Variants in GFRA2 observed in about 807,000 individuals in gnomAD.
GFRA2 encodes GDNF family receptor alpha 2.
Under a neutral mutation model 48.3 loss-of-function variants are expected in GFRA2, and 17 were observed. That is an observed-to-expected ratio of 0.35 (90% confidence interval 0.24 to 0.53). The LOEUF (loss-of-function observed/expected upper bound fraction) is 0.53, where lower values mean the gene tolerates loss of function less well. GFRA2 is among the 20% of genes least tolerant of loss of function. The pLI is 0.93. For synonymous variants in GFRA2, 305 were observed against 257.2 expected, an observed-to-expected ratio of 1.19 and a Z score of -1.78; for missense variants, 660 against 637.3, an observed-to-expected ratio of 1.04 and a Z score of -0.38.
intron 1 of GFRA2, among the ~76,000 whole-genome samples, chr8:21,808,441 G>A (rs532031037): frequency 3.0e-4 from 46 of 152,294 alleles, no homozygotes; most frequent in Admixed American, 1.4e-3. Flanking sequence ...TCCATCTTAT[G>A]GACAGGGAAT....
intron 4 of GFRA2, among the ~76,000 whole-genome samples, chr8:21,728,761 T>A (rs146865414): frequency 1.3e-5 from 2 of 152,246 alleles, no homozygotes; most frequent in Admixed American, 6.5e-5. Flanking sequence ...TAATCCTGCG[T>A]CCTTATCTGA....
At chr8:21,758,367 T>A (rs1003203841) in intron 3 of GFRA2, among the ~76,000 whole-genome samples, 3 of 152,132 alleles carry the variant, frequency 2.0e-5, no homozygotes, top group Non-Finnish European at 4.4e-5. Context: ...AGGTAGACTT[T>A]CCAATCGCAA....
intron 3 of GFRA2, among the ~76,000 whole-genome samples, chr8:21,766,430 G>A (rs1003970695): frequency 6.6e-6 from 1 of 151,920 alleles, no homozygotes; most frequent in African/African-American, 2.4e-5. Flanking sequence ...TCAGCACCTC[G>A]AACAAGGCAT....
intron 4 of GFRA2, 70 bp from the exon 5 acceptor site, chr8:21,706,111 C>T (rs759890890): frequency 8.2e-6 from 8 of 980,926 alleles, no homozygotes; most frequent in Non-Finnish European, 1.3e-5. Flanking sequence ...CTCCTCTGTC[C>T]TGCCAGTGGC....
intron 7 of GFRA2, among the ~76,000 whole-genome samples, chr8:21,699,499 T>C (rs1390719551): frequency 6.6e-6 from 1 of 152,114 alleles, no homozygotes; most frequent in South Asian, 2.1e-4. Context: ...GAAGGGGTCC[T>C]ACAAATTGGC....
rs141942787 is a variant in GFRA2, at chr8:21,755,801, C to A, written c.440-4859G>T. Among the ~76,000 whole-genome samples, 998 of 152,352 alleles carry A rather than the reference C, an allele frequency of 6.6e-3. 14 individuals carry two copies. The highest frequency in any genetic ancestry group is 0.023 in the African/African-American group (960 of 41,582). On this transcript the variant is annotated intron_variant, in intron 3 of 8. Coordinates refer to ENST00000524240, the MANE Select transcript of GFRA2 (RefSeq NM_001495.5). ...AATTCAATACGACTGAACATGGAAA[C>A]CAAGGCAAGGAATGCCAAGACAAGG...
chr8:21,734,155 G>A (rs978075351), intron 4 of GFRA2, among the ~76,000 whole-genome samples: 2 of 152,236 alleles, frequency 1.3e-5, no homozygotes, highest in South Asian at 2.1e-4. Context: ...AAGCAGAGGG[G>A]CTTGGGGCAC....
chr8:21,722,301 C>T (rs948456630), intron 4 of GFRA2, among the ~76,000 whole-genome samples: 6 of 152,114 alleles, frequency 3.9e-5, no homozygotes, highest in Non-Finnish European at 5.9e-5. Flanking sequence ...AGGAACATAG[C>T]GCCTTAGGAG....
chr8:21,790,003 T>TG (rs1288319698), upstream of GFRA2: 15 of 873,724 alleles, frequency 1.7e-5, no homozygotes, highest in Non-Finnish European at 2.1e-5. Flanking sequence ...GCTCCGGGGT[T>TG]GGGGGGTTCC....
chr8:21,696,267 A>T (rs549470171), intron 7 of GFRA2, among the ~76,000 whole-genome samples: 38 of 150,920 alleles, frequency 2.5e-4, no homozygotes, highest in Admixed American at 5.3e-4. Flanking sequence ...GGGGAATCAC[A>T]GAGGCAGAAG....
upstream of GFRA2, among the ~76,000 whole-genome samples, chr8:21,791,960 T>C (rs1807580982): frequency 6.6e-6 from 1 of 152,218 alleles, no homozygotes; most frequent in Non-Finnish European, 1.5e-5. Flanking sequence ...ACACATTCCG[T>C]AGTGCCTGAG....
intron 4 of GFRA2, among the ~76,000 whole-genome samples, chr8:21,725,905 C>T (rs149438126): frequency 2.0e-3 from 306 of 152,290 alleles, no homozygotes; most frequent in African/African-American, 7.0e-3. Flanking sequence ...CGAGCAAGAC[C>T]CCAGGATGGG....
At chr8:21,740,333 T>C (rs923262674) in intron 4 of GFRA2, among the ~76,000 whole-genome samples, 1 of 152,212 alleles carries the variant, frequency 6.6e-6, no homozygotes, top group Non-Finnish European at 1.5e-5. Context: ...TCCACTAATG[T>C]CTTTCCCAGA....
At chr8:21,704,325 C>A (rs1353739822) in intron 6 of GFRA2, among the ~76,000 whole-genome samples, 1 of 152,192 alleles carries the variant, frequency 6.6e-6, no homozygotes, top group South Asian at 2.1e-4. Context: ...CTGTGCAGAC[C>A]CCCCGCCCAG....
chr8:21,711,372 G>A (rs1803013106), intron 4 of GFRA2, among the ~76,000 whole-genome samples: 3 of 152,204 alleles, frequency 2.0e-5, no homozygotes, highest in African/African-American at 2.4e-5. Context: ...GAACCAAAAT[G>A]AAGAGGAGCC....
chr8:21,763,418 T>C (rs1338014408), intron 3 of GFRA2, among the ~76,000 whole-genome samples: 1 of 152,022 alleles, frequency 6.6e-6, no homozygotes, highest in Non-Finnish European at 1.5e-5. Flanking sequence ...AACCCTGCCA[T>C]TCCCCTCTCT....
rs926703419 is a variant in GFRA2, at chr8:21,788,507, T to C, written c.-348A>G. 129 of 1,041,968 alleles carry C rather than the reference T, an allele frequency of 1.2e-4. No individual in the cohort carries two copies. The highest frequency in any genetic ancestry group is 1.4e-4 in the Non-Finnish European group (121 of 867,744). 64.5% of individuals were successfully genotyped at this position (1,041,968 alleles called of 1,614,324 possible). ...AAGGCGTGAGTCCCCGCGGGTCCAA[T>C]TCCCCTGCGCTTCCCAGGAGGGGCC... On this transcript the variant is annotated 5_prime_UTR_variant, in exon 1 of 9. Transcript: ENST00000524240.
rs377708183 is a variant in GFRA2, at chr8:21,774,528, C to A, written c.439+444G>T. On this transcript the variant is annotated intron_variant, in intron 3 of 8. Transcript: ENST00000524240. ...TGATGCGGCGTGCTGAGCACTTTAC[C>A]ACCCACTGACCCACTTAGACCTCGC... Among the ~76,000 whole-genome samples the A allele has an allele frequency of 9.2e-3, 1,397 of 152,282 alleles. 16 individuals carry two copies. Among genetic ancestry groups the A allele is most frequent in the African/African-American group, 0.031 (1,274 of 41,546 alleles).
rs1018967715 is a variant in GFRA2 at position 21,705,283 on chromosome 8, G to A, written c.905-158C>T. On this transcript the variant is annotated intron_variant, in intron 5 of 8. Transcript: ENST00000524240. ...CCATCCCAATCGCACTCCTAACTCT[G>A]AGCATGACTATCCCAGGGACCATGT... is the stretch of plus-strand genomic sequence containing the variant. 4.6e-5 allele frequency among the ~76,000 whole-genome samples: 7 copies of A among 152,042 alleles called. No individual in the cohort carries two copies. In the East Asian group the frequency reaches 1.2e-3, roughly 25 times the overall value.
Sources: gnomAD v4.1 joint callset for allele counts (sites outside exome capture counted in the v4.1 genomes callset) on GRCh38, gnomAD v4.1.1 for gene constraint, MANE v1.5 for transcripts, NCBI Gene and HGNC (gene_info 2026-07-23, HGNC 2026-07-21) for gene names.